TAFA2: variants seen among roughly 807,000 people sequenced by gnomAD.
The protein encoded by TAFA2 is TAFA chemokine like family member 2.
A neutral mutation model predicts 18.8 loss-of-function variants in TAFA2; 7 were observed. The observed-to-expected ratio is 0.37, with a 90% CI of 0.21 to 0.70. TAFA2 has a LOEUF of 0.70. TAFA2 is among the 30% of genes least tolerant of loss of function. The probability of loss-of-function intolerance (pLI) is 0.53; values close to 1 mark genes in which losing one functional copy is unlikely to be tolerated. For synonymous variants in TAFA2, 60 were observed against 54.2 expected (o/e 1.11, Z -0.47); for missense variants, 122 against 158.1 (o/e 0.77, Z 1.23).
chr12:61,801,975 A>G (rs1480095465), intron 2 of TAFA2, among the ~76,000 whole-genome samples: 5 of 152,188 alleles, frequency 3.3e-5, no homozygotes, highest in Non-Finnish European at 7.4e-5. Context: ...CTTTCTCAAA[A>G]GAAGACATAC....
chr12:61,739,237 A>G (rs1373083671), intron 4 of TAFA2, among the ~76,000 whole-genome samples: 1 of 151,988 alleles, frequency 6.6e-6, no homozygotes, highest in Non-Finnish European at 1.5e-5. Context: ...TCATTATGCC[A>G]TCCTTGAAGG....
Position 61,709,365 on chromosome 12 carries a change from G to A in TAFA2, c.*1041C>T, listed in dbSNP as rs968070514. The A allele has an allele frequency of 6.6e-6, 1 of 151,994 alleles. No individual in the cohort carries two copies. Among genetic ancestry groups the A allele is most frequent in the Non-Finnish European group, 1.5e-5 (1 of 67,968 alleles). 9.4% of individuals were successfully genotyped at this position (151,994 alleles called of 1,614,324 possible). On this transcript the variant is annotated 3_prime_UTR_variant, in exon 5 of 5. Coordinates refer to ENST00000416284, the MANE Select transcript of TAFA2 (RefSeq NM_178539.5). ...GAACAATTTTTTCTATCAACAGATTGAACAAATATATAAGCATTCAAACAG... is the reference window on the plus strand; with the variant it reads ...GAACAATTTTTTCTATCAACAGATTAAACAAATATATAAGCATTCAAACAG...
At chr12:62,041,255 G>C (rs1381443144) in intron 1 of TAFA2, among the ~76,000 whole-genome samples, 1 of 152,092 alleles carries the variant, frequency 6.6e-6, no homozygotes, top group East Asian at 1.9e-4. Flanking sequence ...ACACAGAAAT[G>C]TTAGGTCAAT....
chr12:62,090,121 G>A (rs768013352), intron 1 of TAFA2, among the ~76,000 whole-genome samples: 6 of 152,042 alleles, frequency 3.9e-5, no homozygotes, highest in Admixed American at 1.3e-4. Context: ...AGTCTCCCTT[G>A]GTTTTAATTC....
At chr12:61,914,690 C>G (rs765361624) in intron 1 of TAFA2, among the ~76,000 whole-genome samples, 3 of 152,078 alleles carry the variant, frequency 2.0e-5, no homozygotes, top group African/African-American at 4.8e-5. Context: ...AAAATTATTA[C>G]ATATTATTTA....
intron 1 of TAFA2, among the ~76,000 whole-genome samples, chr12:62,052,160 TCTC>T (rs1475309688): frequency 6.6e-6 from 1 of 151,724 alleles, no homozygotes. Context: ...CATTTTACCT[TCTC>T]CTTCTTTTGT....
intron 1 of TAFA2, among the ~76,000 whole-genome samples, chr12:62,049,754 T>C (rs1882001884): frequency 6.6e-6 from 1 of 152,154 alleles, no homozygotes; most frequent in Non-Finnish European, 1.5e-5. Flanking sequence ...TATAATGTAT[T>C]ATATTGTGTA....
chr12:61,966,390 G>T (rs951372841), intron 1 of TAFA2, among the ~76,000 whole-genome samples: 1 of 151,824 alleles, frequency 6.6e-6, no homozygotes, highest in Admixed American at 6.6e-5. Flanking sequence ...AGGCTTCAGG[G>T]GACCTCTTTT....
chr12:61,897,249 T>A (rs1875887797), intron 1 of TAFA2, among the ~76,000 whole-genome samples: 1 of 152,184 alleles, frequency 6.6e-6, no homozygotes, highest in South Asian at 2.1e-4. Flanking sequence ...CCTTAATGAA[T>A]GTATTATTTC....
chr12:62,081,217 T>C (rs1027515442), intron 1 of TAFA2, among the ~76,000 whole-genome samples: 2 of 152,098 alleles, frequency 1.3e-5, no homozygotes, highest in African/African-American at 2.4e-5. Context: ...CCCCTATATA[T>C]TATTTCTATT....
At chr12:62,170,851 T>C (rs2062473070) in intron 1 of TAFA2, among the ~76,000 whole-genome samples, 1 of 152,194 alleles carries the variant, frequency 6.6e-6, no homozygotes, top group African/African-American at 2.4e-5. Context: ...CATTACAATA[T>C]GGGTTTCATC....
chr12:62,019,044 C>T (rs984674998), intron 1 of TAFA2, among the ~76,000 whole-genome samples: 3 of 152,194 alleles, frequency 2.0e-5, no homozygotes, highest in African/African-American at 2.4e-5. Flanking sequence ...CAAAAGAAGA[C>T]ATTTATGCAG....
intron 1 of TAFA2, among the ~76,000 whole-genome samples, chr12:61,943,558 C>T (rs990509620): frequency 6.8e-6 from 1 of 147,810 alleles, no homozygotes; most frequent in African/African-American, 2.5e-5. Flanking sequence ...TCAGGAAACC[C>T]ATCTCACGTG....
intron 2 of TAFA2, among the ~76,000 whole-genome samples, chr12:61,843,247 A>G (rs1873263333): frequency 1.3e-5 from 2 of 152,096 alleles, no homozygotes; most frequent in Admixed American, 1.3e-4. Context: ...GAGCCAGATA[A>G]AGAAATTATT....
intron 1 of TAFA2, among the ~76,000 whole-genome samples, chr12:61,869,636 G>A (rs1874508699): frequency 6.6e-6 from 1 of 152,136 alleles, no homozygotes; most frequent in Non-Finnish European, 1.5e-5. Flanking sequence ...CCTCCACAGT[G>A]TAACAGAGCA....
chr12:62,062,744 G>A (rs1882384196), intron 1 of TAFA2, among the ~76,000 whole-genome samples: 1 of 152,104 alleles, frequency 6.6e-6, no homozygotes, highest in South Asian at 2.1e-4. Flanking sequence ...AGGCTCTAGA[G>A]GTGAATCCAT....
At chr12:61,831,968 C>T (rs895919015) in intron 2 of TAFA2, among the ~76,000 whole-genome samples, 2 of 152,010 alleles carry the variant, frequency 1.3e-5, no homozygotes, top group African/African-American at 4.8e-5. Context: ...TGTCATCAAA[C>T]TTCTTGAAGA....
intron 1 of TAFA2, among the ~76,000 whole-genome samples, chr12:61,958,295 C>G (rs1878767699): frequency 6.6e-6 from 1 of 151,990 alleles, no homozygotes; most frequent in African/African-American, 2.4e-5. Flanking sequence ...ACCCTAGTGC[C>G]TTCTTTTCTG....
chr12:61,917,196 ACT>A (rs1395290830), intron 1 of TAFA2, among the ~76,000 whole-genome samples: 1 of 152,164 alleles, frequency 6.6e-6, no homozygotes, highest in Non-Finnish European at 1.5e-5. Flanking sequence ...GAGCAGGGAA[ACT>A]TTTTTTGTTT....
Sources: allele counts gnomAD v4.1 joint callset (sites outside exome capture counted in the v4.1 genomes callset), GRCh38; gene constraint gnomAD v4.1.1; transcripts MANE v1.5; gene names NCBI Gene and HGNC (gene_info 2026-07-23, HGNC 2026-07-21).